SLC25A21: variants seen among roughly 807,000 people sequenced by gnomAD.
The protein encoded by SLC25A21 is solute carrier family 25 member 21.
In SLC25A21, 47 loss-of-function variants were observed where a neutral mutation model predicts 43.8. That is an observed-to-expected ratio of 1.07 (90% CI 0.85 to 1.37). SLC25A21 has a LOEUF of 1.37. SLC25A21 is among the 40% of genes most tolerant of loss of function. SLC25A21 has a pLI of 0.00. For missense variants in SLC25A21, 352 were observed against 350.2 expected (o/e 1.00, Z -0.04); for synonymous variants, 131 against 121.3 (o/e 1.08, Z -0.52).
intron 2 of SLC25A21, among the ~76,000 whole-genome samples, chr14:36,858,604 T>G (rs1889974298): frequency 6.6e-6 from 1 of 152,132 alleles, no homozygotes; most frequent in East Asian, 1.9e-4. Context: ...CTCTCCCAGG[T>G]GTTCTGGCTC....
intron 3 of SLC25A21, among the ~76,000 whole-genome samples, chr14:36,812,119 G>T (rs942066300): frequency 1.3e-5 from 2 of 151,874 alleles, no homozygotes; most frequent in Non-Finnish European, 2.9e-5. Context: ...CACAAAATAG[G>T]CAATTCACAA....
At chr14:36,759,600 A>G (rs1886064524) in intron 3 of SLC25A21, 3 of 152,254 alleles carry the variant, frequency 2.0e-5, no homozygotes, top group Non-Finnish European at 4.4e-5. Context: ...CCAAAGGGGA[A>G]AGGCCAGGAT....
In SLC25A21 at chr14:36,896,582, T is replaced by G. The variant is rs113779888; in HGVS notation, c.71-21578A>C. Among the ~76,000 whole-genome samples, 1,269 of 152,330 alleles carry G rather than the reference T, an allele frequency of 8.3e-3. 16 individuals carry two copies. The highest frequency in any genetic ancestry group is 0.028 in the African/African-American group (1,170 of 41,568). On this transcript the variant is annotated intron_variant, in intron 1 of 9. Transcript: ENST00000331299. Reference sequence around the variant, plus strand: ...TGTGTGAGTTTCATCCATGTCATTATGATGGTAGCTGGTTATTTTGCTGAT... The same window carrying G: ...TGTGTGAGTTTCATCCATGTCATTAGGATGGTAGCTGGTTATTTTGCTGAT...
intron 1 of SLC25A21, among the ~76,000 whole-genome samples, chr14:37,121,838 C>T (rs1030178715): frequency 3.3e-5 from 5 of 152,074 alleles, no homozygotes; most frequent in Non-Finnish European, 5.9e-5. Flanking sequence ...CTATTAAATG[C>T]CATGAGTGGG....
chr14:36,680,349 G>C lies in SLC25A21; in HGVS notation c.*309C>G, dbSNP rs1882171698. 1 of 1,021,646 alleles carries C rather than the reference G, an allele frequency of 9.8e-7. No individual in the cohort carries two copies. Among genetic ancestry groups the C allele is most frequent in the African/African-American group, 1.7e-5 (1 of 58,590 alleles). The allele number at this position is 1,021,646 out of a possible 1,614,324, so 63.3% of individuals were successfully genotyped here. A position where few individuals can be genotyped will look rare whatever the true frequency, so the allele number is the denominator to read the frequency against. On this transcript the variant is annotated 3_prime_UTR_variant, in exon 10 of 10. Transcript: ENST00000331299. Reference sequence around the variant, plus strand: ...AATTTTCATTGTGAAGCATTGAAGAGGAACACAGGAGACAAAGTTTCTATT... The same window carrying C: ...AATTTTCATTGTGAAGCATTGAAGACGAACACAGGAGACAAAGTTTCTATT...
intron 1 of SLC25A21, among the ~76,000 whole-genome samples, chr14:37,003,926 A>T (rs1476075267): frequency 6.6e-6 from 1 of 152,142 alleles, no homozygotes; most frequent in African/African-American, 2.4e-5. Context: ...AATGCTGCAG[A>T]TCCCCTTCAC....
At chr14:36,815,754 T>G (rs1888432336) in intron 2 of SLC25A21, among the ~76,000 whole-genome samples, 1 of 152,146 alleles carries the variant, frequency 6.6e-6, no homozygotes, top group South Asian at 2.1e-4. Context: ...CTCTCATTTC[T>G]CCCGTACCTG....
chr14:36,981,275 C>T (rs7142715), intron 1 of SLC25A21, among the ~76,000 whole-genome samples: 53,167 of 152,042 alleles, frequency 0.35, 12,338 homozygotes, highest in African/African-American at 0.67. Context: ...TGGAAGACAG[C>T]GTGGCGATTC....
rs748268641 is a variant in SLC25A21, at chr14:37,080,573, C to A, written c.70+91708G>T. Among the ~76,000 whole-genome samples, 125 of 152,206 alleles carry A rather than the reference C, an allele frequency of 8.2e-4. 1 individual carries two copies. The highest frequency in any genetic ancestry group is 7.8e-4 in the Non-Finnish European group (53 of 68,044). On this transcript the variant is annotated intron_variant, in intron 1 of 9. Transcript: ENST00000331299. ...CATGATCGTGCCACTGCACTTCCGC[C>A]TGGGTGACAGAGCAAGACCCTGCCT...
intron 1 of SLC25A21, among the ~76,000 whole-genome samples, chr14:37,081,806 C>G (rs560333705): frequency 2.0e-5 from 3 of 152,176 alleles, no homozygotes; most frequent in Non-Finnish European, 2.9e-5. Flanking sequence ...ATTAAATCAA[C>G]TCTGAATAAA....
chr14:37,056,691 C>A (rs889745153), intron 1 of SLC25A21, among the ~76,000 whole-genome samples: 15 of 152,236 alleles, frequency 9.9e-5, no homozygotes, highest in African/African-American at 3.1e-4. Context: ...CCCTGCTGTG[C>A]ACTGACCTCC....
At chr14:36,991,733 C>T (rs936419234) in intron 1 of SLC25A21, among the ~76,000 whole-genome samples, 12 of 152,124 alleles carry the variant, frequency 7.9e-5, no homozygotes, top group African/African-American at 2.9e-4. Flanking sequence ...AACCAATACA[C>T]AATACAGGGA....
At chr14:37,133,597 T>C (rs916721983) in intron 1 of SLC25A21, among the ~76,000 whole-genome samples, 1 of 150,578 alleles carries the variant, frequency 6.6e-6, no homozygotes, top group Non-Finnish European at 1.5e-5. Flanking sequence ...AATCTACACA[T>C]CCCCCCTTGT....
intron 1 of SLC25A21, among the ~76,000 whole-genome samples, chr14:37,151,233 C>T (rs1941429952): frequency 6.6e-6 from 1 of 152,106 alleles, no homozygotes; most frequent in South Asian, 2.1e-4. Context: ...CAGACAGGCC[C>T]CTCCTGTCCA....
chr14:37,005,100 T>G (rs1960571312), intron 1 of SLC25A21, among the ~76,000 whole-genome samples: 1 of 151,932 alleles, frequency 6.6e-6, no homozygotes, highest in Admixed American at 6.6e-5. Flanking sequence ...CCCCTAAGGA[T>G]ACTGATTTCC....
At chr14:36,698,979 A>C (rs186941882) in intron 7 of SLC25A21, among the ~76,000 whole-genome samples, 1 of 152,198 alleles carries the variant, frequency 6.6e-6, no homozygotes, top group Non-Finnish European at 1.5e-5. Context: ...AGGAGCTGCG[A>C]TCTTTTGGAG....
At chr14:36,933,274 A>G (rs1003125332) in intron 1 of SLC25A21, among the ~76,000 whole-genome samples, 1 of 152,060 alleles carries the variant, frequency 6.6e-6, no homozygotes, top group Non-Finnish European at 1.5e-5. Flanking sequence ...ACCTGAGCTG[A>G]CCCTTCTTGG....
intron 1 of SLC25A21, among the ~76,000 whole-genome samples, chr14:37,087,411 A>C (rs1364115141): frequency 6.6e-6 from 1 of 152,172 alleles, no homozygotes; most frequent in Non-Finnish European, 1.5e-5. Flanking sequence ...CTGTGACCTG[A>C]AACCAACTGG....
chr14:36,872,040 T>C (rs548137328), intron 2 of SLC25A21, among the ~76,000 whole-genome samples: 155 of 152,290 alleles, frequency 1.0e-3, no homozygotes, highest in African/African-American at 3.7e-3. Context: ...AGGATTGTAT[T>C]CACGTAAGCT....
Sources: allele counts gnomAD v4.1 joint callset (sites outside exome capture counted in the v4.1 genomes callset), GRCh38; gene constraint gnomAD v4.1.1; transcripts MANE v1.5; gene names NCBI Gene and HGNC (gene_info 2026-07-23, HGNC 2026-07-21).